The following KCNJ6 variants were observed in gnomAD, a reference collection of about 807,000 sequenced individuals.
KCNJ6 encodes the protein G protein-activated inward rectifier potassium channel 2.
Under a neutral mutation model 34.2 loss-of-function variants are expected in KCNJ6, and 9 were observed. That is an observed-to-expected ratio of 0.26 (90% CI 0.16 to 0.46). KCNJ6 has a LOEUF of 0.46. KCNJ6 is among the 20% of genes least tolerant of loss of function. KCNJ6 has a pLI of 1.00. For synonymous variants in KCNJ6, 196 were observed against 207.1 expected (o/e 0.95, Z 0.46); for missense variants, 236 against 531.3 (o/e 0.44, Z 5.46).
chr21:37,849,452 G>T (rs1474715407), intron 1 of KCNJ6, among the ~76,000 whole-genome samples: 2 of 152,208 alleles, frequency 1.3e-5, no homozygotes, highest in African/African-American at 4.8e-5. Context: ...AAAGGGAACA[G>T]ATGCCATATT....
chr21:37,764,383 CT>C (rs376267192), intron 2 of KCNJ6, among the ~76,000 whole-genome samples: 110 of 145,034 alleles, frequency 7.6e-4, no homozygotes, highest in Admixed American at 9.6e-4. Flanking sequence ...AAGATATTTA[CT>C]TTTTTTTTTT....
intron 1 of KCNJ6, among the ~76,000 whole-genome samples, chr21:37,893,536 C>T (rs977597626): frequency 6.6e-6 from 1 of 152,090 alleles, no homozygotes; most frequent in African/African-American, 2.4e-5. Flanking sequence ...GAAATGTTGA[C>T]TTCTTTGGTC....
chr21:37,631,895 G>GCT (rs1453144487), intron 3 of KCNJ6, among the ~76,000 whole-genome samples: 2 of 152,176 alleles, frequency 1.3e-5, no homozygotes, highest in Non-Finnish European at 2.9e-5. Context: ...GCCAAAAACT[G>GCT]AGAGAGAGCC....
chr21:37,653,557 T>TA (rs1452054893), intron 3 of KCNJ6, among the ~76,000 whole-genome samples: 6 of 152,126 alleles, frequency 3.9e-5, no homozygotes, highest in Non-Finnish European at 8.8e-5. Context: ...TAACTGTGCT[T>TA]AAAAAATAAA....
chr21:37,899,641 A>AGAG (rs1030709090), intron 1 of KCNJ6, among the ~76,000 whole-genome samples: 2 of 152,210 alleles, frequency 1.3e-5, no homozygotes, highest in Admixed American at 1.3e-4. Flanking sequence ...GAAAAAGACC[A>AGAG]GAGGTGGGAA....
At chr21:37,772,891 T>C (rs1175784320) in intron 2 of KCNJ6, among the ~76,000 whole-genome samples, 1 of 152,254 alleles carries the variant, frequency 6.6e-6, no homozygotes, top group African/African-American at 2.4e-5. Flanking sequence ...TGTTATACTA[T>C]AGCATTAACT....
At chr21:37,881,065 G>A (rs991460109) in intron 1 of KCNJ6, among the ~76,000 whole-genome samples, 17 of 152,226 alleles carry the variant, frequency 1.1e-4, no homozygotes, top group African/African-American at 3.4e-4. Flanking sequence ...TGATGCAGAC[G>A]TGGAGAGTCT....
At chr21:37,642,772 A>T (rs946146357) in intron 3 of KCNJ6, among the ~76,000 whole-genome samples, 4 of 152,070 alleles carry the variant, frequency 2.6e-5, no homozygotes, top group Non-Finnish European at 5.9e-5. Context: ...TTCTGGAGAG[A>T]TGGGTGAGGC....
Position 37,875,837 on chromosome 21 carries a change from G to A in KCNJ6, c.-27-35128C>T, listed in dbSNP as rs73208137. 8.2e-3 allele frequency among the ~76,000 whole-genome samples: 1,245 copies of A among 152,240 alleles called. 11 individuals carry two copies. The highest frequency in any genetic ancestry group is 0.011 in the Non-Finnish European group (736 of 68,024). ...AGGAACACCTCCGGTGGGCCTCTCA[G>A]CCCCTCATTTATTCTTTTAGTACTA... On this transcript the variant is annotated intron_variant, in intron 1 of 3. Transcript: ENST00000609713.
chr21:37,683,775 C>A (rs1787409), intron 3 of KCNJ6, among the ~76,000 whole-genome samples: 132,558 of 152,116 alleles, frequency 0.87, 58,786 homozygotes, highest in Non-Finnish European at 0.95. Context: ...GGACCTGGGG[C>A]CAGGCTTCTT....
At position 37,748,500 on chromosome 21, in the gene KCNJ6, G is replaced by A. The variant is rs150552001; in HGVS notation, c.26-33369C>T. ...GAATCCATCTCTAGAAGTCTTAACA[G>A]TGTTTTCCATTGACTCAGAGCTTGG... On this transcript the variant is annotated intron_variant, in intron 2 of 3. Transcript: ENST00000609713. Among the ~76,000 whole-genome samples the A allele has an allele frequency of 3.3e-5, 5 of 152,264 alleles. No homozygotes were observed. In the East Asian group the frequency reaches 9.6e-4, roughly 29 times the overall value.
chr21:37,846,040 T>C (rs2055505502), intron 1 of KCNJ6, among the ~76,000 whole-genome samples: 1 of 152,094 alleles, frequency 6.6e-6, no homozygotes, highest in African/African-American at 2.4e-5. Context: ...AAAAACAACG[T>C]TAAGTGTCTT....
intron 2 of KCNJ6, among the ~76,000 whole-genome samples, chr21:37,734,351 G>T (rs1273931831): frequency 6.6e-6 from 1 of 152,108 alleles, no homozygotes; most frequent in Non-Finnish European, 1.5e-5. Context: ...AGTGGAGATT[G>T]TGCAGACCCT....
intron 2 of KCNJ6, among the ~76,000 whole-genome samples, chr21:37,740,310 T>A (rs989490918): frequency 6.6e-6 from 1 of 152,168 alleles, no homozygotes; most frequent in Non-Finnish European, 1.5e-5. Flanking sequence ...CGAAGTCTGA[T>A]AAGAATCGGT....
chr21:37,764,644 C>A (rs1478332063), intron 2 of KCNJ6, among the ~76,000 whole-genome samples: 1 of 152,154 alleles, frequency 6.6e-6, no homozygotes, highest in Non-Finnish European at 1.5e-5. Flanking sequence ...CTCCCAAGTG[C>A]CGGGATTACA....
rs1333875933 is a variant in KCNJ6, at chr21:37,791,982, C to T, written c.25+48676G>A. ...TAAAAATGTTGTTATATCCTCCCAC[C>T]TTATTTCCTTCAAACGAATTGAGCA... On this transcript the variant is annotated intron_variant, in intron 2 of 3. Transcript: ENST00000609713. Among the ~76,000 whole-genome samples the T allele has an allele frequency of 3.3e-5, 5 of 152,186 alleles. No individual in the cohort carries two copies. In the East Asian group the frequency reaches 9.6e-4, roughly 29 times the overall value.
intron 2 of KCNJ6, among the ~76,000 whole-genome samples, chr21:37,828,375 C>A (rs2055408892): frequency 6.6e-6 from 1 of 152,174 alleles, no homozygotes; most frequent in African/African-American, 2.4e-5. Flanking sequence ...TAATTCCCCG[C>A]AGCACTGGAA....
In KCNJ6 at chr21:37,675,055, T is replaced by G. The variant is rs1173153827; in HGVS notation, c.946+39156A>C. Among the ~76,000 whole-genome samples the G allele has an allele frequency of 6.6e-6, 1 of 152,076 alleles. No individual in the cohort carries two copies. Among genetic ancestry groups the G allele is most frequent in the Non-Finnish European group, 1.5e-5 (1 of 68,016 alleles). ...GGACTCATGCAGTCCTGCTCGGAGC[T>G]CCTCTGCTGCTCCGGGTTTGACTCA... is the stretch of plus-strand genomic sequence containing the variant. On this transcript the variant is annotated intron_variant, in intron 3 of 3. Coordinates refer to ENST00000609713, the MANE Select transcript of KCNJ6 (RefSeq NM_002240.5). This position sits in a 1 kb window ranked among gnomAD's most constrained non-coding sequence, Gnocchi z 4.2.
chr21:37,873,381 T>C (rs1164516796), intron 1 of KCNJ6, among the ~76,000 whole-genome samples: 5 of 152,190 alleles, frequency 3.3e-5, no homozygotes, highest in Admixed American at 3.3e-4. Context: ...AAACTGAGAC[T>C]AAACCAGGTG....
Sources: allele counts gnomAD v4.1 joint callset (sites outside exome capture counted in the v4.1 genomes callset), GRCh38; gene constraint gnomAD v4.1.1; non-coding constraint Gnocchi (gnomAD v3.1); transcripts MANE v1.5; gene names NCBI Gene and HGNC (gene_info 2026-07-23, HGNC 2026-07-21).